CNBD1: variants seen among roughly 807,000 people sequenced by gnomAD.
The protein encoded by CNBD1 is cyclic nucleotide binding domain containing 1, also known as cyclic nucleotide-binding domain-containing protein 1.
A neutral mutation model predicts 54.4 loss-of-function variants in CNBD1; 71 were observed. The observed-to-expected ratio is 1.30, with a 90% CI of 1.08 to 1.59. The LOEUF (loss-of-function observed/expected upper bound fraction) is 1.59, where lower values mean the gene tolerates loss of function less well. Among genes scored for constraint, CNBD1 ranks in the 40% most tolerant of loss-of-function variants. The probability of loss-of-function intolerance (pLI) is 0.00; values close to 1 mark genes in which losing one functional copy is unlikely to be tolerated. For missense variants in CNBD1, 659 were observed against 518.0 expected, an observed-to-expected ratio of 1.27 and a Z score of -2.64; for synonymous variants, 182 against 170.7, an observed-to-expected ratio of 1.07 and a Z score of -0.51.
chr8:87,240,245 G>A (rs903296459), intron 6 of CNBD1, among the ~76,000 whole-genome samples: 3 of 152,006 alleles, frequency 2.0e-5, no homozygotes, highest in African/African-American at 7.2e-5. Context: ...AAATTATTAA[G>A]TTGAAGATTC....
chr8:86,988,128 AT>A (rs1346627134), intron 4 of CNBD1, among the ~76,000 whole-genome samples: 58 of 135,030 alleles, frequency 4.3e-4, no homozygotes, highest in African/African-American at 1.6e-3. Flanking sequence ...GGTCCAGGGC[AT>A]TTTTGGTTGA....
chr8:87,031,888 GCAC>G (rs1393210344), intron 4 of CNBD1, among the ~76,000 whole-genome samples: 1 of 152,024 alleles, frequency 6.6e-6, no homozygotes, highest in African/African-American at 2.4e-5. Flanking sequence ...TTACAGGCAT[GCAC>G]CACCACACCC....
intron 4 of CNBD1, among the ~76,000 whole-genome samples, chr8:87,058,919 T>G (rs1810483358): frequency 1.3e-5 from 2 of 152,230 alleles, no homozygotes; most frequent in Non-Finnish European, 2.9e-5. Context: ...GGGTTTTCTT[T>G]TCTATTGCAT....
chr8:87,328,643 T>C (rs966220629), intron 8 of CNBD1, among the ~76,000 whole-genome samples: 2 of 152,086 alleles, frequency 1.3e-5, no homozygotes, highest in Non-Finnish European at 2.9e-5. Flanking sequence ...ATCTATAAAA[T>C]GCTATTGGGT....
intron 10 of CNBD1, among the ~76,000 whole-genome samples, chr8:87,370,459 G>C (rs929314413): frequency 6.6e-6 from 1 of 152,060 alleles, no homozygotes; most frequent in Non-Finnish European, 1.5e-5. Flanking sequence ...GTTTTGATTT[G>C]CATTTCTCTG....
chr8:87,411,279 T>A (rs1397788485), intron 2 of CNBD1, among the ~76,000 whole-genome samples: 1 of 151,428 alleles, frequency 6.6e-6, no homozygotes, highest in Non-Finnish European at 1.5e-5. Flanking sequence ...ACAGAGTGAA[T>A]AAACAACAGG....
intron 2 of CNBD1, among the ~76,000 whole-genome samples, chr8:87,423,365 G>A (rs1298096868): frequency 2.0e-5 from 3 of 147,830 alleles, no homozygotes; most frequent in Admixed American, 6.7e-5. Flanking sequence ...GTTTTCAAAG[G>A]AAATGCTTCC....
At chr8:87,210,990 G>C (rs1814085979) in intron 5 of CNBD1, among the ~76,000 whole-genome samples, 1 of 152,126 alleles carries the variant, frequency 6.6e-6, no homozygotes, top group South Asian at 2.1e-4. Flanking sequence ...TCCTACCCCT[G>C]AGAGCAACCT....
chr8:87,210,474 C>T (rs983053582), intron 5 of CNBD1, among the ~76,000 whole-genome samples: 2 of 152,190 alleles, frequency 1.3e-5, no homozygotes, highest in Non-Finnish European at 2.9e-5. Context: ...TAGGTAGACA[C>T]TCCTATGATA....
At chr8:87,140,414 T>A (rs1812348492) in intron 4 of CNBD1, among the ~76,000 whole-genome samples, 1 of 152,164 alleles carries the variant, frequency 6.6e-6, no homozygotes, top group Non-Finnish European at 1.5e-5. Flanking sequence ...AAAGAATTGA[T>A]ACTTCCTCAA....
intron 8 of CNBD1, among the ~76,000 whole-genome samples, chr8:87,302,424 G>A (rs566839889): frequency 0.37 from 56,000 of 151,378 alleles, 10,636 homozygotes; most frequent in Middle Eastern, 0.44. Flanking sequence ...AAAGGCCTTT[G>A]ACAAAATTCA....
intron 4 of CNBD1, among the ~76,000 whole-genome samples, chr8:87,149,106 A>G (rs1465124483): frequency 6.6e-6 from 1 of 152,206 alleles, no homozygotes; most frequent in African/African-American, 2.4e-5. Context: ...TCAGAAATCT[A>G]GAGGTTGAAA....
intron 6 of CNBD1, among the ~76,000 whole-genome samples, chr8:87,278,661 G>C (rs1279431131): frequency 6.6e-6 from 1 of 151,474 alleles, no homozygotes; most frequent in Non-Finnish European, 1.5e-5. Context: ...GGATGACAAG[G>C]AGACAAACTT....
chr8:87,345,128 T>C (rs1478659344), intron 8 of CNBD1, among the ~76,000 whole-genome samples: 1 of 152,184 alleles, frequency 6.6e-6, no homozygotes, highest in Admixed American at 6.5e-5. Flanking sequence ...TCAGCTAAAA[T>C]AGAATTTTGA....
chr8:87,328,059 G>T (rs1367380853), intron 8 of CNBD1, among the ~76,000 whole-genome samples: 1 of 151,806 alleles, frequency 6.6e-6, no homozygotes. Context: ...ATGGTGGTTT[G>T]CTGCACCTAT....
intron 4 of CNBD1, among the ~76,000 whole-genome samples, chr8:87,039,645 A>C (rs1213454914): frequency 6.6e-6 from 1 of 152,230 alleles, no homozygotes; most frequent in African/African-American, 2.4e-5. Context: ...ATTGCAATAG[A>C]GAATGAGTTA....
chr8:87,347,751 C>A (rs1458159352), intron 8 of CNBD1, among the ~76,000 whole-genome samples: 1 of 152,092 alleles, frequency 6.6e-6, no homozygotes, highest in African/African-American at 2.4e-5. Flanking sequence ...GCTCCATAGA[C>A]ATAGCATTTG....
chr8:86,889,756 T>A (rs1424857396), intron 2 of CNBD1, among the ~76,000 whole-genome samples: 1 of 152,080 alleles, frequency 6.6e-6, no homozygotes, highest in African/African-American at 2.4e-5. Flanking sequence ...GAAGGCAGAT[T>A]TATTTTATTT....
intron 6 of CNBD1, among the ~76,000 whole-genome samples, chr8:87,278,244 A>G (rs1197704509): frequency 6.6e-6 from 1 of 151,652 alleles, no homozygotes; most frequent in Non-Finnish European, 1.5e-5. Flanking sequence ...AGGATAAATA[A>G]GAAATATAGT....
Sources: gnomAD v4.1 joint callset for allele counts (sites outside exome capture counted in the v4.1 genomes callset) on GRCh38, gnomAD v4.1.1 for gene constraint, MANE v1.5 for transcripts, NCBI Gene and HGNC (gene_info 2026-07-23, HGNC 2026-07-21) for gene names.